The following HHIPL1 variants were observed in gnomAD, a reference collection of about 807,000 sequenced individuals.
HHIPL1 encodes HHIP like 1, also known as HHIP-like protein 1.
In HHIPL1, 43 loss-of-function variants were observed where a neutral mutation model predicts 61.8. The ratio of observed to expected loss-of-function variants is 0.70; its 90% confidence interval spans 0.55 to 0.90. The LOEUF (loss-of-function observed/expected upper bound fraction) is 0.90, where lower values mean the gene tolerates loss of function less well. HHIPL1 is among the 40% of genes least tolerant of loss of function. HHIPL1 has a pLI of 0.00. For missense variants in HHIPL1, 1,056 were observed against 1,157.7 expected (o/e 0.91, Z 1.28); for synonymous variants, 482 against 515.8 (o/e 0.93, Z 0.89).
the HHIPL1 span, among the ~76,000 whole-genome samples, chr14:99,636,894 G>A: frequency 1.9e-4 from 28 of 150,730 alleles, no homozygotes; most frequent in Non-Finnish European, 3.2e-4. Flanking sequence ...GGCTGAGGCA[G>A]GATTGCTTGA....
chr14:99,657,121 A>T lies in HHIPL1; in HGVS notation c.1024A>T (p.Thr342Ser), dbSNP rs2056060937. Residue 342 changes from threonine (T) to serine (S), a missense_variant, in exon 3 of 9, where the codon ACA becomes TCA. By Grantham distance (58) the Thr-to-Ser change is moderately conservative. Transcript: ENST00000330710. The part of the protein sequence containing the change: ...DGGMAGDPFG[T>S]FGNAQNKSAL... Reference sequence around the variant, plus strand: ...CGGGATGGCCGGAGACCCCTTTGGGACATTTGGAAATGCCCAAAACAAGTA... The same window carrying T: ...CGGGATGGCCGGAGACCCCTTTGGGTCATTTGGAAATGCCCAAAACAAGTA... 6.2e-7 allele frequency: 1 copy of T among 1,612,964 alleles called. No homozygotes were observed. Among genetic ancestry groups the T allele is most frequent in the Non-Finnish European group, 8.5e-7 (1 of 1,179,670 alleles).
chr14:99,636,265 G>A, the HHIPL1 span, among the ~76,000 whole-genome samples: 1 of 151,616 alleles, frequency 6.6e-6, no homozygotes, highest in South Asian at 2.1e-4. Context: ...AATACCTGGA[G>A]AGACCTGGGG....
chr14:99,668,250 G>A lies in HHIPL1; in HGVS notation c.1677G>A (p.Glu559=), dbSNP rs1170095037. Residue 559 remains glutamate, a synonymous_variant, in exon 7 of 9, where the codon GAG becomes GAA. Coordinates refer to ENST00000330710, the MANE Select transcript of HHIPL1 (RefSeq NM_001127258.3). The surrounding 1 kb of genome is among the most constrained non-coding windows in gnomAD (Gnocchi z 4.7). ...AGCTGTACTTCATGTCGACAGGGGA[G>A]CCGAGTGCCACAGCTCCACGCGGAG... ...AGELYFMSTG[E]PSATAPRGVV... The A allele has an allele frequency of 6.2e-7, 1 of 1,612,712 alleles. No homozygotes were observed. The highest frequency in any genetic ancestry group is 1.7e-5 in the Admixed American group (1 of 60,020).
At chr14:99,646,787 AATATAATATG>A (rs750301327) in intron 1 of HHIPL1, among the ~76,000 whole-genome samples, 1,722 of 134,118 alleles carry the variant, frequency 0.013, 19 homozygotes, top group Middle Eastern at 0.034. Flanking sequence ...AATATAATAT[AATATAATATG>A]ATATGATATG....
the HHIPL1 span, among the ~76,000 whole-genome samples, chr14:99,616,347 G>A: frequency 2.6e-5 from 4 of 152,124 alleles, no homozygotes; most frequent in Admixed American, 6.5e-5. Context: ...TCATATCCTC[G>A]TCATTAAGTG....
chr14:99,671,759 A>T (rs567443672), intron 7 of HHIPL1, among the ~76,000 whole-genome samples: 1 of 152,084 alleles, frequency 6.6e-6, no homozygotes, highest in Non-Finnish European at 1.5e-5. Context: ...CAAGGCCCCA[A>T]ATCCCTCAGC....
rs1390076752 is a variant in HHIPL1, at chr14:99,652,214, G to A, written c.256-10G>A. 6.3e-7 allele frequency: 1 copy of A among 1,579,238 alleles called. No homozygotes were observed. Among genetic ancestry groups the A allele is most frequent in the Non-Finnish European group, 8.6e-7 (1 of 1,161,098 alleles). On this transcript the variant is annotated splice_polypyrimidine_tract_variant and intron_variant, in intron 1 of 8. Coordinates refer to ENST00000330710, the MANE Select transcript of HHIPL1 (RefSeq NM_001127258.3). The stretch of plus-strand genomic sequence containing the variant: ...CACAAAACATCTCTGAGCCATTACT[G>A]TCTCTGCAGGAATGCTCGCCGTATG...
At chr14:99,653,329 T>TTTTTGTTTTGTTTTGTTTTG (rs11268009) in intron 2 of HHIPL1, among the ~76,000 whole-genome samples, 87 of 151,056 alleles carry the variant, frequency 5.8e-4, no homozygotes, top group African/African-American at 1.5e-3. Context: ...GGTGCCATCT[T>TTTTTGTTTTGTTTTGTTTTG]TTTTGTTTTG....
intron 1 of HHIPL1, among the ~76,000 whole-genome samples, chr14:99,650,766 C>A (rs114414845): frequency 1.5e-3 from 232 of 152,370 alleles, no homozygotes; most frequent in African/African-American, 5.3e-3. Context: ...TTGCCCCAAA[C>A]CCCAGGAGCT....
rs1263588508 is a variant in HHIPL1, at chr14:99,675,405, G to A, written c.2128G>A (p.Ala710Thr). The change falls in exon 9 of 9, where the codon GCC becomes ACC. Residue 710 changes from alanine to threonine, a missense_variant. By Grantham distance (58) the Ala-to-Thr change is moderately conservative. Transcript: ENST00000330710. This position sits in a 1 kb window ranked among gnomAD's most constrained non-coding sequence, Gnocchi z 5.4. ...CGACTCCTGGAACATCAGCGGCGCC[G>A]CCGTCGTGTGTCGCCAGCTGGGGTT... The part of the protein sequence containing the change: ...CDDSWNISGA[A>T]VVCRQLGFAY... The A allele has an allele frequency of 1.3e-6, 2 of 1,528,550 alleles. No individual in the cohort carries two copies. Among genetic ancestry groups the A allele is most frequent in the African/African-American group, 1.4e-5 (1 of 72,290 alleles). 94.7% of individuals were successfully genotyped at this position (1,528,550 alleles called of 1,614,324 possible). A position where few individuals can be genotyped will look rare whatever the true frequency, so the allele number is the denominator to read the frequency against.
Position 99,675,271 on chromosome 14 carries a change from G to C in HHIPL1, c.1994G>C (p.Ser665Thr), listed in dbSNP as rs1227201613. The C allele has an allele frequency of 3.2e-6, 4 of 1,253,506 alleles. No individual in the cohort carries two copies. Among genetic ancestry groups the C allele is most frequent in the African/African-American group, 1.6e-5 (1 of 64,262 alleles). 77.6% of individuals were successfully genotyped at this position (1,253,506 alleles called of 1,614,324 possible). Reference protein sequence around the residue: ...GRRRGRLNSASRAFRDGEVRL... With the variant: ...GRRRGRLNSATRAFRDGEVRL... ...CGGCGGGGGCGGCTGAACTCGGCGA[G>C]CCGGGCGTTCCGGGATGGCGAGGTG... is the stretch of plus-strand genomic sequence containing the variant. Residue 665 changes from serine to threonine, a missense_variant, in exon 9 of 9, where the codon AGC becomes ACC. By Grantham distance (58) the Ser-to-Thr change is moderately conservative (BLOSUM62 1). Coordinates refer to ENST00000330710, the MANE Select transcript of HHIPL1 (RefSeq NM_001127258.3). The surrounding 1 kb of genome is among the most constrained non-coding windows in gnomAD (Gnocchi z 5.4).
At chr14:99,613,706 C>T in the HHIPL1 span, among the ~76,000 whole-genome samples, 70 of 151,888 alleles carry the variant, frequency 4.6e-4, no homozygotes, top group Non-Finnish European at 2.8e-4. Flanking sequence ...GTGAGGAGTT[C>T]GAGACCAGCC....
upstream of HHIPL1, among the ~76,000 whole-genome samples, chr14:99,640,877 C>CCTTT (rs1406942441): frequency 1.4e-5 from 1 of 69,872 alleles, no homozygotes; most frequent in African/African-American, 5.7e-5. Flanking sequence ...ACTTCTTCTT[C>CCTTT]TTTTTTTTTT....
At chr14:99,648,511 C>T (rs1214970835) in intron 1 of HHIPL1, among the ~76,000 whole-genome samples, 5 of 152,160 alleles carry the variant, frequency 3.3e-5, no homozygotes, top group Non-Finnish European at 5.9e-5. Context: ...TCCCACAGTC[C>T]GTGGAGTGGA....
At chr14:99,619,527 G>A in the HHIPL1 span, among the ~76,000 whole-genome samples, 1 of 152,008 alleles carries the variant, frequency 6.6e-6, no homozygotes, top group African/African-American at 2.4e-5. Flanking sequence ...GTAAGCAGGG[G>A]TTCTCACACC....
At chr14:99,639,811 G>A in the HHIPL1 span, among the ~76,000 whole-genome samples, 11 of 151,860 alleles carry the variant, frequency 7.2e-5, no homozygotes, top group Non-Finnish European at 1.3e-4. Context: ...ACAGGCACGC[G>A]CTACCACGCC....
Position 99,675,764 on chromosome 14 carries a change from T to C in HHIPL1, c.*138T>C. ...GTGTGTGCTGTCCTGGGGACATGTGTGAGGCGCTGCAGTGCATGTGTGTCC... is the reference window on the plus strand; with the variant it reads ...GTGTGTGCTGTCCTGGGGACATGTGCGAGGCGCTGCAGTGCATGTGTGTCC... On this transcript the variant is annotated 3_prime_UTR_variant, in exon 9 of 9. Coordinates refer to ENST00000330710, the MANE Select transcript of HHIPL1 (RefSeq NM_001127258.3). This position sits in a 1 kb window ranked among gnomAD's most constrained non-coding sequence, Gnocchi z 5.4. 1.2e-6 allele frequency: 1 copy of C among 858,716 alleles called. No individual in the cohort carries two copies. Among genetic ancestry groups the C allele is most frequent in the Non-Finnish European group, 1.7e-6 (1 of 586,392 alleles). 53.2% of individuals were successfully genotyped at this position (858,716 alleles called of 1,614,324 possible). A position where few individuals can be genotyped will look rare whatever the true frequency, so the allele number is the denominator to read the frequency against.
At chr14:99,628,592 A>G in the HHIPL1 span, among the ~76,000 whole-genome samples, 1 of 151,764 alleles carries the variant, frequency 6.6e-6, no homozygotes, top group Middle Eastern at 3.4e-3. Flanking sequence ...AAAAAAAAAA[A>G]AAAAGAAAAA....
chr14:99,645,338 A>G lies in HHIPL1; in HGVS notation c.131A>G (p.Asp44Gly). Reference sequence around the variant, plus strand: ...CTGCGCCTCTGCGCGCAGTACTCGGACTTCGGCTGCTGCGATGAGGGGCGC... The same window carrying G: ...CTGCGCCTCTGCGCGCAGTACTCGGGCTTCGGCTGCTGCGATGAGGGGCGC... ...QPLRLCAQYS[D>G]FGCCDEGRDA... The change falls in exon 1 of 9, where the codon GAC (aspartate) becomes GGC (glycine). Residue 44 changes from aspartate to glycine, a missense_variant. Coordinates refer to ENST00000330710, the MANE Select transcript of HHIPL1 (RefSeq NM_001127258.3). 1 of 1,456,650 alleles carries G rather than the reference A, an allele frequency of 6.9e-7. No individual in the cohort carries two copies. The allele number at this position is 1,456,650 out of a possible 1,614,324, so 90.2% of individuals were successfully genotyped here.
Sources: allele counts gnomAD v4.1 joint callset (sites outside exome capture counted in the v4.1 genomes callset), GRCh38; gene constraint gnomAD v4.1.1; non-coding constraint Gnocchi (gnomAD v3.1); transcripts MANE v1.5; gene names NCBI Gene and HGNC (gene_info 2026-07-23, HGNC 2026-07-21).